CNTN5: variants seen among roughly 807,000 people sequenced by gnomAD.
The protein encoded by CNTN5 is contactin-5.
A neutral mutation model predicts 129.1 loss-of-function variants in CNTN5; 77 were observed. That is an observed-to-expected ratio of 0.60 (90% CI 0.50 to 0.72). The LOEUF (loss-of-function observed/expected upper bound fraction) is 0.72. CNTN5 is among the 30% of genes least tolerant of loss of function. The pLI is 0.00. For synonymous variants in CNTN5, 509 were observed against 465.6 expected, an observed-to-expected ratio of 1.09 and a Z score of -1.20; for missense variants, 1,478 against 1,328.8, an observed-to-expected ratio of 1.11 and a Z score of -1.75.
intron 1 of CNTN5, among the ~76,000 whole-genome samples, chr11:99,154,193 G>A (rs1179392364): frequency 6.6e-6 from 1 of 152,176 alleles, no homozygotes. Context: ...AGCAGCAGGA[G>A]CAGGGTACAG....
At chr11:100,030,461 T>C (rs1358789949) in intron 9 of CNTN5, among the ~76,000 whole-genome samples, 2 of 152,144 alleles carry the variant, frequency 1.3e-5, no homozygotes, top group Non-Finnish European at 2.9e-5. Flanking sequence ...CTAATTAGAA[T>C]AGTATATCAT....
rs771967984 is a variant in CNTN5 at position 100,350,723 on chromosome 11, C to G, written c.3052C>G (p.His1018Asp). Residue 1018 changes from histidine (H) to aspartate (D), a missense_variant, in exon 24 of 25, where the codon CAC becomes GAC. Physicochemically the swap from His to Asp is moderately conservative, Grantham distance 81. Transcript: ENST00000524871. The part of the protein sequence containing the change: ...GYKVFYRQEG[H>D]SNSQVIETQK... Reference sequence around the variant, plus strand: ...TCAGGTTTTTTATAGGCAAGAGGGTCACAGCAACAGCCAAGTTATTGAAAC... The same window carrying G: ...TCAGGTTTTTTATAGGCAAGAGGGTGACAGCAACAGCCAAGTTATTGAAAC... 2 of 1,607,060 alleles carry G rather than the reference C, an allele frequency of 1.2e-6. No homozygotes were observed. Among genetic ancestry groups the G allele is most frequent in the Non-Finnish European group, 1.7e-6 (2 of 1,175,864 alleles).
At chr11:99,968,913 G>A (rs1197860313) in intron 8 of CNTN5, among the ~76,000 whole-genome samples, 2 of 151,568 alleles carry the variant, frequency 1.3e-5, no homozygotes, top group Non-Finnish European at 2.9e-5. Context: ...TAGAAAATTT[G>A]GCTTTTGTTA....
chr11:99,766,055 C>T (rs1011477769), intron 3 of CNTN5, among the ~76,000 whole-genome samples: 1 of 151,926 alleles, frequency 6.6e-6, no homozygotes, highest in African/African-American at 2.4e-5. Flanking sequence ...CTCTGGTAAT[C>T]AAATGTTATT....
At chr11:99,508,980 C>T (rs1295715443) in intron 2 of CNTN5, among the ~76,000 whole-genome samples, 1 of 151,836 alleles carries the variant, frequency 6.6e-6, no homozygotes, top group Non-Finnish European at 1.5e-5. Flanking sequence ...CATGCCCGGC[C>T]GCCAAGATAA....
At chr11:99,367,771 T>G (rs770647853) in intron 2 of CNTN5, among the ~76,000 whole-genome samples, 1 of 151,986 alleles carries the variant, frequency 6.6e-6, no homozygotes, top group African/African-American at 2.4e-5. Context: ...TAATGAATAT[T>G]GGAATTAAAA....
chr11:99,304,680 C>T (rs574445839), intron 1 of CNTN5, among the ~76,000 whole-genome samples: 10 of 152,316 alleles, frequency 6.6e-5, no homozygotes, highest in East Asian at 1.9e-4. Context: ...CTTTGAAATA[C>T]GTTTCAGTGT....
chr11:99,822,962 A>T (rs1471515606), intron 4 of CNTN5, among the ~76,000 whole-genome samples: 1 of 152,222 alleles, frequency 6.6e-6, no homozygotes, highest in East Asian at 1.9e-4. Context: ...GAGCTGTCCT[A>T]TTGACAGGCC....
chr11:99,195,143 ATATTT>A (rs879933466), intron 1 of CNTN5, among the ~76,000 whole-genome samples: 28 of 152,192 alleles, frequency 1.8e-4, no homozygotes, highest in Non-Finnish European at 3.4e-4. Context: ...CTGAAGGATT[ATATTT>A]TATTTATTTA....
At chr11:99,888,907 G>A (rs1312857302) in intron 6 of CNTN5, among the ~76,000 whole-genome samples, 1 of 152,190 alleles carries the variant, frequency 6.6e-6, no homozygotes, top group African/African-American at 2.4e-5. Flanking sequence ...TTTACTAAAT[G>A]AGGAAAATGC....
chr11:100,333,401 T>C (rs965685509), intron 21 of CNTN5, among the ~76,000 whole-genome samples: 3 of 82,096 alleles, frequency 3.7e-5, no homozygotes, highest in Non-Finnish European at 6.5e-5. Context: ...CATTCTTCAC[T>C]GAATTAGAAA....
At chr11:99,428,108 G>A (rs1157840343) in intron 2 of CNTN5, among the ~76,000 whole-genome samples, 1 of 151,990 alleles carries the variant, frequency 6.6e-6, no homozygotes, top group Non-Finnish European at 1.5e-5. Flanking sequence ...TACAAAATTT[G>A]TTCTCATAGA....
At chr11:99,481,508 A>G (rs1234849517) in intron 2 of CNTN5, among the ~76,000 whole-genome samples, 1 of 152,204 alleles carries the variant, frequency 6.6e-6, no homozygotes, top group Non-Finnish European at 1.5e-5. Context: ...TTTAATGAAT[A>G]TATTTGCTGA....
intron 2 of CNTN5, among the ~76,000 whole-genome samples, chr11:99,529,490 T>C (rs896750480): frequency 3.9e-5 from 6 of 152,336 alleles, no homozygotes; most frequent in Middle Eastern, 3.4e-3. Context: ...ACTTTTCTTT[T>C]AAATGTTAGG....
intron 21 of CNTN5, among the ~76,000 whole-genome samples, chr11:100,317,705 T>C (rs1170727827): frequency 6.6e-6 from 1 of 152,208 alleles, no homozygotes; most frequent in Non-Finnish European, 1.5e-5. Context: ...TCTTGTCCTA[T>C]TGAAACACAA....
intron 3 of CNTN5, among the ~76,000 whole-genome samples, chr11:99,722,345 G>A (rs1045589101): frequency 6.6e-6 from 1 of 152,088 alleles, no homozygotes; most frequent in Non-Finnish European, 1.5e-5. Context: ...TGGGAATGGA[G>A]CTGGAGGCAA....
chr11:99,448,436 G>A (rs1418676546), intron 2 of CNTN5, among the ~76,000 whole-genome samples: 1 of 152,020 alleles, frequency 6.6e-6, no homozygotes, highest in African/African-American at 2.4e-5. Flanking sequence ...AGTTTTTCAA[G>A]GAACTTGTGG....
At position 100,082,883 on chromosome 11, in the gene CNTN5, T is replaced by G. The variant is rs966575979; in HGVS notation, c.1580+8589T>G. On this transcript the variant is annotated intron_variant, in intron 13 of 24. Coordinates refer to ENST00000524871, the MANE Select transcript of CNTN5 (RefSeq NM_014361.4). ...ATGGTAATTTATAAAGAAAAAGAGG[T>G]TTAATTGGCTCACAGTTCTACAGGC... Among the ~76,000 whole-genome samples, 4 of 151,858 alleles carry G rather than the reference T, an allele frequency of 2.6e-5. No homozygotes were observed. The East Asian group carries it at 7.8e-4, about 29-fold the overall frequency.
chr11:99,404,501 A>AT (rs71463574), intron 2 of CNTN5, among the ~76,000 whole-genome samples: 112,888 of 151,402 alleles, frequency 0.75, 42,926 homozygotes, highest in African/African-American at 0.9. Context: ...CTTGCTTTTT[A>AT]TTTTTTTCTG....
Sources: allele counts gnomAD v4.1 joint callset (sites outside exome capture counted in the v4.1 genomes callset), GRCh38; gene constraint gnomAD v4.1.1; transcripts MANE v1.5; gene names NCBI Gene and HGNC (gene_info 2026-07-23, HGNC 2026-07-21).